Variants in UVRAG observed in about 807,000 individuals in gnomAD.
UVRAG encodes UV radiation resistance-associated gene protein.
UVRAG carries 19 observed loss-of-function variants against 78.0 expected under a neutral mutation model. The observed-to-expected ratio is 0.24, with a 90% confidence interval of 0.17 to 0.36. The LOEUF is 0.36. Among genes scored for constraint, UVRAG ranks in the 10% least tolerant of loss-of-function variants. The probability of loss-of-function intolerance (pLI) is 1.00; values close to 1 mark genes in which losing one functional copy is unlikely to be tolerated. For missense variants in UVRAG, 740 were observed against 853.8 expected, an observed-to-expected ratio of 0.87 and a Z score of 1.66; for synonymous variants, 323 against 324.6, an observed-to-expected ratio of 1.00 and a Z score of 0.05.
At chr11:76,051,697 G>A (rs899321154) in intron 12 of UVRAG, among the ~76,000 whole-genome samples, 4 of 152,066 alleles carry the variant, frequency 2.6e-5, no homozygotes, top group African/African-American at 9.7e-5. Flanking sequence ...GAATGTTCTG[G>A]TGTAAATCTT....
At chr11:76,036,477 G>C (rs184225982) in intron 12 of UVRAG, among the ~76,000 whole-genome samples, 52 of 152,210 alleles carry the variant, frequency 3.4e-4, no homozygotes, top group African/African-American at 1.2e-3. Context: ...GGTCAAGGCT[G>C]CAGTGAGCCA....
intron 12 of UVRAG, among the ~76,000 whole-genome samples, chr11:76,055,742 C>T (rs916288309): frequency 1.3e-5 from 2 of 151,994 alleles, no homozygotes; most frequent in Non-Finnish European, 2.9e-5. Flanking sequence ...CGGAGTCTCA[C>T]TCTGTCACCC....
At chr11:76,081,362 C>G (rs992552588) in intron 13 of UVRAG, among the ~76,000 whole-genome samples, 1 of 152,036 alleles carries the variant, frequency 6.6e-6, no homozygotes, top group East Asian at 1.9e-4. Context: ...CCTGCCACCA[C>G]GCCCAACTAG....
intron 1 of UVRAG, among the ~76,000 whole-genome samples, chr11:75,825,493 C>T (rs776433205): frequency 3.9e-5 from 6 of 152,216 alleles, no homozygotes; most frequent in East Asian, 1.9e-4. Context: ...TAAAAGTAGA[C>T]GAGTACACAC....
At chr11:76,097,417 C>T (rs558380501) in intron 13 of UVRAG, among the ~76,000 whole-genome samples, 5 of 152,276 alleles carry the variant, frequency 3.3e-5, no homozygotes, top group African/African-American at 1.2e-4. Context: ...GCCTCCCTGC[C>T]CTTTCACTCA....
In UVRAG at chr11:75,815,500, G is replaced by A; in HGVS notation, c.93G>A (p.Leu31=). The part of the protein sequence containing the change: ...ALPPGSAARA[L]HVELPSQQRR... ...CTCCCGGTTCTGCCGCGCGGGCCCT[G>A]CATGTGGAGCTGCCGTCTCAGCAGG... Residue 31 remains leucine (L), a synonymous_variant, in exon 1 of 15, where the codon CTG becomes CTA. Transcript: ENST00000356136. 1 of 1,240,956 alleles carries A rather than the reference G, an allele frequency of 8.1e-7. No individual in the cohort carries two copies. The highest frequency in any genetic ancestry group is 3.5e-5 in the South Asian group (1 of 28,682). 76.9% of individuals were successfully genotyped at this position (1,240,956 alleles called of 1,614,324 possible).
intron 7 of UVRAG, among the ~76,000 whole-genome samples, chr11:75,977,085 T>C (rs1430276299): frequency 6.6e-6 from 1 of 152,190 alleles, no homozygotes; most frequent in Non-Finnish European, 1.5e-5. Flanking sequence ...TTCTCATTGG[T>C]TTCAAAGAAC....
In UVRAG at chr11:75,815,642, C is replaced by T. The variant is rs548112652; in HGVS notation, c.117+118C>T. ...ACCCAGAGCAGGGACCCGGAGGGCT[C>T]GCGGGACTGAGGAAGACTGTCAGGA... On this transcript the variant is annotated intron_variant, in intron 1 of 14. Coordinates refer to ENST00000356136, the MANE Select transcript of UVRAG (RefSeq NM_003369.4). 2.6e-3 allele frequency: 1,414 copies of T among 550,728 alleles called. 4 individuals carry two copies. The highest frequency in any genetic ancestry group is 3.3e-3 in the Non-Finnish European group (1,222 of 366,810). The allele number at this position is 550,728 out of a possible 1,614,324, so 34.1% of individuals were successfully genotyped here. A position where few individuals can be genotyped will look rare whatever the true frequency, so the allele number is the denominator to read the frequency against.
chr11:75,932,296 T>TATTTATTTATTG (rs1555089872), intron 6 of UVRAG, among the ~76,000 whole-genome samples: 7 of 151,584 alleles, frequency 4.6e-5, no homozygotes, highest in African/African-American at 1.7e-4. Context: ...TTTATTTATT[T>TATTTATTTATTG]ATTTATTGAG....
chr11:76,083,112 AAAAC>A (rs1442655465), intron 13 of UVRAG, among the ~76,000 whole-genome samples: 2 of 152,248 alleles, frequency 1.3e-5, no homozygotes, highest in African/African-American at 4.8e-5. Flanking sequence ...AGTTTAAACT[AAAAC>A]AAAAAAGAAT....
At chr11:75,867,733 C>G (rs1288238297) in intron 3 of UVRAG, among the ~76,000 whole-genome samples, 2 of 152,116 alleles carry the variant, frequency 1.3e-5, no homozygotes, top group Non-Finnish European at 2.9e-5. Context: ...TACTCTCACC[C>G]CCAGTCTGCA....
At chr11:75,875,733 T>C (rs2134848744) in intron 3 of UVRAG, among the ~76,000 whole-genome samples, 1 of 152,168 alleles carries the variant, frequency 6.6e-6, no homozygotes, top group South Asian at 2.1e-4. Context: ...GACATCTGTG[T>C]GTAGGGATTT....
chr11:75,867,158 C>G (rs931767569), intron 3 of UVRAG, among the ~76,000 whole-genome samples: 1 of 152,152 alleles, frequency 6.6e-6, no homozygotes, highest in Non-Finnish European at 1.5e-5. Flanking sequence ...TACACAAAAT[C>G]TTAATACTTT....
chr11:75,951,112 A>G (rs868762629), intron 6 of UVRAG, among the ~76,000 whole-genome samples: 4 of 151,788 alleles, frequency 2.6e-5, no homozygotes, highest in Non-Finnish European at 2.9e-5. Context: ...ATATTTTCCT[A>G]TGTGTTATTC....
chr11:76,022,273 A>G (rs1367507563), intron 12 of UVRAG, among the ~76,000 whole-genome samples: 1 of 152,180 alleles, frequency 6.6e-6, no homozygotes, highest in South Asian at 2.1e-4. Context: ...TTCTGCTGTC[A>G]TTAGATGCTA....
intron 12 of UVRAG, among the ~76,000 whole-genome samples, chr11:76,052,187 T>C (rs1011675679): frequency 6.6e-6 from 1 of 152,228 alleles, no homozygotes; most frequent in Admixed American, 6.5e-5. Flanking sequence ...TGCCCAGCCT[T>C]ATATCCCTAC....
At chr11:75,987,543 T>C (rs1949524988) in intron 8 of UVRAG, among the ~76,000 whole-genome samples, 1 of 152,218 alleles carries the variant, frequency 6.6e-6, no homozygotes, top group Non-Finnish European at 1.5e-5. Flanking sequence ...TTGTGTTGTC[T>C]GAGACATCCA....
At chr11:75,969,904 A>G (rs1193754860) in intron 7 of UVRAG, among the ~76,000 whole-genome samples, 2 of 152,164 alleles carry the variant, frequency 1.3e-5, no homozygotes, top group African/African-American at 4.8e-5. Context: ...TTCCTTTTAA[A>G]GTTTTCTATC....
intron 11 of UVRAG, among the ~76,000 whole-genome samples, chr11:76,016,398 C>G (rs1245991272): frequency 6.6e-6 from 1 of 151,962 alleles, no homozygotes; most frequent in Admixed American, 6.6e-5. Context: ...ACTATATTGT[C>G]TAGGAAATTC....
Sources: allele counts gnomAD v4.1 joint callset (sites outside exome capture counted in the v4.1 genomes callset), GRCh38; gene constraint gnomAD v4.1.1; transcripts MANE v1.5; gene names NCBI Gene and HGNC (gene_info 2026-07-23, HGNC 2026-07-21).